Variants in LYN observed in about 807,000 individuals in gnomAD.
LYN encodes LYN proto-oncogene, Src family tyrosine kinase, also known as tyrosine-protein kinase Lyn.
A neutral mutation model predicts 65.0 loss-of-function variants in LYN; 12 were observed. The observed-to-expected ratio is 0.18, with a 90% confidence interval of 0.12 to 0.30. The LOEUF (loss-of-function observed/expected upper bound fraction) is 0.30. Among genes scored for constraint, LYN ranks in the 10% least tolerant of loss-of-function variants. The pLI, the probability that LYN is intolerant of heterozygous loss-of-function variation, is 1.00. For synonymous variants in LYN, 222 were observed against 221.2 expected, an observed-to-expected ratio of 1.00 and a Z score of -0.03; for missense variants, 380 against 623.2, an observed-to-expected ratio of 0.61 and a Z score of 4.16.
chr8:55,903,058 A>G (rs1235364569), intron 1 of LYN, among the ~76,000 whole-genome samples: 1 of 152,220 alleles, frequency 6.6e-6, no homozygotes, highest in Non-Finnish European at 1.5e-5. Context: ...CATATCGGCC[A>G]GGCTGGTCTC....
chr8:55,956,672 G>A (rs1372768709), intron 8 of LYN, among the ~76,000 whole-genome samples: 1 of 152,154 alleles, frequency 6.6e-6, no homozygotes, highest in African/African-American at 2.4e-5. Flanking sequence ...TAAAGCTCCA[G>A]TCCTTTCTGT....
At chr8:55,967,689 A>G (rs1807502815) in intron 9 of LYN, among the ~76,000 whole-genome samples, 1 of 152,168 alleles carries the variant, frequency 6.6e-6, no homozygotes. Flanking sequence ...ACTTTTAAAT[A>G]TTAATGTTTT....
chr8:55,909,657 T>A (rs1805541900), intron 1 of LYN, among the ~76,000 whole-genome samples: 1 of 152,266 alleles, frequency 6.6e-6, no homozygotes, highest in South Asian at 2.1e-4. Context: ...CCAGTTTTCA[T>A]TATTTGAGAA....
chr8:55,883,491 G>C (rs1563492018), intron 1 of LYN, among the ~76,000 whole-genome samples: 1 of 152,124 alleles, frequency 6.6e-6, no homozygotes, highest in Non-Finnish European at 1.5e-5. Context: ...TCCAGTAACT[G>C]CTAAGATGAC....
In LYN at chr8:55,950,414, G is replaced by A. The variant is rs751508330; in HGVS notation, c.285-45G>A. On this transcript the variant is annotated intron_variant, in intron 4 of 12. Transcript: ENST00000519728. ...TGTGATATTTTGATACATGCATGGAGTATGTAATCTTTTAGCTTCTTTTTG... is the reference window on the plus strand; with the variant it reads ...TGTGATATTTTGATACATGCATGGAATATGTAATCTTTTAGCTTCTTTTTG... The A allele has an allele frequency of 2.0e-5, 25 of 1,231,668 alleles. No individual in the cohort carries two copies. The Admixed American group carries it at 4.8e-4, about 24-fold the overall frequency. The allele number at this position is 1,231,668 out of a possible 1,614,324, so 76.3% of individuals were successfully genotyped here.
intron 1 of LYN, among the ~76,000 whole-genome samples, chr8:55,911,749 T>C (rs1382141562): frequency 6.6e-6 from 1 of 152,130 alleles, no homozygotes; most frequent in Admixed American, 6.6e-5. Context: ...AGGTTTTGCA[T>C]GTCCGTGGAA....
intron 10 of LYN, among the ~76,000 whole-genome samples, chr8:55,970,004 G>C (rs770081038): frequency 3.9e-5 from 6 of 152,192 alleles, no homozygotes; most frequent in Non-Finnish European, 5.9e-5. Context: ...TTTTGACCTG[G>C]ATATCATCTT....
intron 1 of LYN, among the ~76,000 whole-genome samples, chr8:55,922,176 C>T (rs1051836185): frequency 6.6e-6 from 1 of 152,198 alleles, no homozygotes; most frequent in Admixed American, 6.5e-5. Flanking sequence ...CAGCCTCAAC[C>T]TCCCAGACAC....
In LYN at chr8:55,895,351, C is replaced by T. The variant is rs141674473; in HGVS notation, c.-6+15248C>T. 3.6e-3 allele frequency among the ~76,000 whole-genome samples: 545 copies of T among 152,236 alleles called. 4 individuals are homozygous for T. The highest frequency in any genetic ancestry group is 0.017 in the Middle Eastern group (5 of 294). ...AAAGTAGGAAGAGATGGGGAAATAACTTGGCTGGATTCCTTACTAATCTTG... is the reference window on the plus strand; with the variant it reads ...AAAGTAGGAAGAGATGGGGAAATAATTTGGCTGGATTCCTTACTAATCTTG... On this transcript the variant is annotated intron_variant, in intron 1 of 12. Coordinates refer to ENST00000519728, the MANE Select transcript of LYN (RefSeq NM_002350.4).
intron 10 of LYN, among the ~76,000 whole-genome samples, chr8:55,990,242 A>C (rs1389714859): frequency 6.7e-6 from 1 of 148,560 alleles, no homozygotes; most frequent in Non-Finnish European, 1.5e-5. Context: ...CTGCCTCCAA[A>C]AAAAAAAAAA....
At position 56,011,102 on chromosome 8, in the gene LYN, C is replaced by T. The variant is rs1236094534; in HGVS notation, c.*992C>T. 4.3e-6 allele frequency: 1 copy of T among 229,940 alleles called. No homozygotes were observed. Among genetic ancestry groups the T allele is most frequent in the East Asian group, 6.2e-5 (1 of 16,114 alleles). 14.2% of individuals were successfully genotyped at this position (229,940 alleles called of 1,614,324 possible). On this transcript the variant is annotated 3_prime_UTR_variant, in exon 13 of 13. Coordinates refer to ENST00000519728, the MANE Select transcript of LYN (RefSeq NM_002350.4). ...AGTTGTACTCTAGAAAGCTAAAGTG[C>T]CACATTCGGGGCTATTTTTATGATT...
Position 55,950,494 on chromosome 8 carries a change from C to G in LYN, c.320C>G (p.Thr107Arg), listed in dbSNP as rs2130491703. The change falls in exon 5 of 13, where the codon ACA (threonine) becomes AGA (arginine). Residue 107 changes from threonine (T) to arginine (R), a missense_variant. By Grantham distance (71) the Thr-to-Arg change is moderately conservative (BLOSUM62 -1). Around this residue, in one of 2 missense-constraint regions of LYN, gnomAD observed 157 missense variants for 193.2 expected, o/e 0.81. Transcript: ENST00000519728. ...TGGTGGAAAGCAAAGTCCCTTTTAA[C>G]AAAAAAAGAAGGCTTCATCCCCAGC... ...GEWWKAKSLL[T>R]KKEGFIPSNY... 6.2e-7 allele frequency: 1 copy of G among 1,612,654 alleles called. No individual in the cohort carries two copies. The highest frequency in any genetic ancestry group is 1.1e-5 in the South Asian group (1 of 90,670).
intron 7 of LYN, among the ~76,000 whole-genome samples, 163 bp downstream of exon 7, chr8:55,952,278 G>A (rs751618370): frequency 6.6e-6 from 1 of 152,138 alleles, no homozygotes; most frequent in Non-Finnish European, 1.5e-5. Flanking sequence ...CTATAGTTAG[G>A]CCAGGCACAG....
At chr8:55,946,384 C>T (rs912931294) in intron 2 of LYN, 64 bp from the exon 3 acceptor site, 4 of 1,030,548 alleles carry the variant, frequency 3.9e-6, no homozygotes. Flanking sequence ...ATCATATATA[C>T]AACACGAATG....
At chr8:56,009,364 G>T (rs1808754633) in intron 12 of LYN, among the ~76,000 whole-genome samples, 1 of 152,280 alleles carries the variant, frequency 6.6e-6, no homozygotes, top group Admixed American at 6.5e-5. Flanking sequence ...TTATTGAGTT[G>T]CTTGCAGAAA....
chr8:55,942,136 T>A lies in LYN; in HGVS notation c.132+145T>A, dbSNP rs1806629308. 4 of 829,528 alleles carry A rather than the reference T, an allele frequency of 4.8e-6. No homozygotes were observed. In the South Asian group the frequency reaches 6.7e-5, roughly 14 times the overall value. 51.4% of individuals were successfully genotyped at this position (829,528 alleles called of 1,614,324 possible). Reference sequence around the variant, plus strand: ...ATAATTTTTGATATGCTTTGTAACTTTATCCTTTGAAGAATGTATAAATAT... The same window carrying A: ...ATAATTTTTGATATGCTTTGTAACTATATCCTTTGAAGAATGTATAAATAT... On this transcript the variant is annotated intron_variant, in intron 2 of 12. Coordinates refer to ENST00000519728, the MANE Select transcript of LYN (RefSeq NM_002350.4).
chr8:55,939,532 T>TG (rs147149362), intron 1 of LYN, among the ~76,000 whole-genome samples: 10,022 of 145,994 alleles, frequency 0.069, 342 homozygotes, highest in African/African-American at 0.089. Flanking sequence ...AGGAACGCAG[T>TG]GGGGGGGGGA....
At chr8:55,971,444 G>A (rs929165472) in intron 10 of LYN, among the ~76,000 whole-genome samples, 1 of 152,240 alleles carries the variant, frequency 6.6e-6, no homozygotes, top group African/African-American at 2.4e-5. Context: ...CCTCTACTCA[G>A]GTGGTGATTT....
At chr8:55,914,884 T>C (rs1226267495) in intron 1 of LYN, among the ~76,000 whole-genome samples, 1 of 152,122 alleles carries the variant, frequency 6.6e-6, no homozygotes, top group African/African-American at 2.4e-5. Context: ...GCTAATGATG[T>C]GTTTCAGATG....
Sources: allele counts gnomAD v4.1 joint callset (sites outside exome capture counted in the v4.1 genomes callset), GRCh38; gene constraint gnomAD v4.1.1; regional missense constraint gnomAD v4.1.1; transcripts MANE v1.5; gene names NCBI Gene and HGNC (gene_info 2026-07-23, HGNC 2026-07-21).